The following PKD1L1 variants were observed in gnomAD, a reference collection of about 807,000 sequenced individuals.
PKD1L1 encodes polycystin-1-like protein 1.
Under a neutral mutation model 323.4 loss-of-function variants are expected in PKD1L1, and 236 were observed. The observed-to-expected ratio is 0.73, with a 90% confidence interval of 0.66 to 0.81. The LOEUF (loss-of-function observed/expected upper bound fraction) is 0.81, where lower values mean the gene tolerates loss of function less well. Among genes scored for constraint, PKD1L1 ranks in the 40% least tolerant of loss-of-function variants. The pLI is 0.00. For synonymous variants in PKD1L1, 1,344 were observed against 1,335.0 expected (o/e 1.01, Z -0.15); for missense variants, 3,320 against 3,508.0 (o/e 0.95, Z 1.35).
intron 40 of PKD1L1, 114 bp downstream of exon 40, chr7:47,834,225 C>A: frequency 9.3e-7 from 1 of 1,069,668 alleles, no homozygotes; most frequent in Non-Finnish European, 1.4e-6. Flanking sequence ...GTCCGTCTCA[C>A]CTTGAGCCTG....
At position 47,865,231 on chromosome 7, in the gene PKD1L1, C is replaced by G; in HGVS notation, c.4134G>C (p.Val1378=). 6.2e-7 allele frequency: 1 copy of G among 1,613,282 alleles called. No individual in the cohort carries two copies. The highest frequency in any genetic ancestry group is 1.1e-5 in the South Asian group (1 of 90,966). The change falls in exon 26 of 57, where the codon GTG becomes GTC. Residue 1378 remains valine, a synonymous_variant. Transcript: ENST00000289672. ...TTGCACTTACCTTATTAGAGAAGCT[C>G]ACGAGGTCCCTCAACATAAGAACAG... ...IGSVLMLRDL[V]SFSNKLGFMS...
intron 56 of PKD1L1, among the ~76,000 whole-genome samples, chr7:47,785,109 G>A (rs1786778434): frequency 6.6e-6 from 1 of 152,044 alleles, no homozygotes; most frequent in Admixed American, 6.5e-5. Context: ...GGAATATACT[G>A]GTCCTTAACA....
chr7:47,890,946 C>G (rs1786802884), intron 15 of PKD1L1, among the ~76,000 whole-genome samples, 183 bp from the exon 16 acceptor site: 1 of 152,116 alleles, frequency 6.6e-6, no homozygotes, highest in Non-Finnish European at 1.5e-5. Context: ...GCAGCAGCAC[C>G]ACCACCTGGG....
At chr7:47,920,602 G>A (rs532862067) in intron 7 of PKD1L1, among the ~76,000 whole-genome samples, 38 of 152,208 alleles carry the variant, frequency 2.5e-4, no homozygotes, top group African/African-American at 8.4e-4. Context: ...TAAGCAAAAA[G>A]AACAAATCTG....
chr7:47,886,079 A>C (rs1276680369), intron 17 of PKD1L1, 25 bp from the exon 18 acceptor site: 1 of 1,572,980 alleles, frequency 6.4e-7, no homozygotes, highest in Admixed American at 1.9e-5. Context: ...TGGCAGTGTT[A>C]GAATTTTGCA....
At chr7:47,905,032 T>C (rs998038983) in intron 11 of PKD1L1, 125 bp downstream of exon 11, 1 of 1,031,698 alleles carries the variant, frequency 9.7e-7, no homozygotes, top group Admixed American at 2.6e-5. Context: ...CAGAAGGACC[T>C]AGTGGCCCAT....
chr7:47,831,064 C>T (rs369898852), intron 42 of PKD1L1, among the ~76,000 whole-genome samples, 153 bp downstream of exon 42: 58 of 152,240 alleles, frequency 3.8e-4, no homozygotes, highest in African/African-American at 1.4e-3. Context: ...TTTATTTACC[C>T]CAGGAGATGG....
At position 47,809,580 on chromosome 7, in the gene PKD1L1, G is replaced by A; in HGVS notation, c.7582-3C>T. 1 of 1,571,804 alleles carries A rather than the reference G, an allele frequency of 6.4e-7. No individual in the cohort carries two copies. Among genetic ancestry groups the A allele is most frequent in the Non-Finnish European group, 8.6e-7 (1 of 1,159,162 alleles). ...AGGCTGAGTGCCAGGAAGACCAGCT[G>A]GTGGAGAGAATGTAAACAAACAAGA... On this transcript the variant is annotated splice_polypyrimidine_tract_variant and splice_region_variant and intron_variant, in intron 50 of 56. Transcript: ENST00000289672.
chr7:47,915,836 T>C (rs1002384524), intron 7 of PKD1L1, among the ~76,000 whole-genome samples: 46 of 151,926 alleles, frequency 3.0e-4, no homozygotes, highest in African/African-American at 1.0e-3. Context: ...TGCAAAAAAA[T>C]GTTAAAACCT....
intron 13 of PKD1L1, 54 bp downstream of exon 13, chr7:47,902,325 T>C: frequency 3.8e-6 from 6 of 1,599,484 alleles, no homozygotes; most frequent in Non-Finnish European, 5.1e-6. Flanking sequence ...TGGTCCCAAC[T>C]CAGAGGGAGG....
chr7:47,816,047 C>CG (rs1422843107), intron 46 of PKD1L1, among the ~76,000 whole-genome samples: 1 of 152,076 alleles, frequency 6.6e-6, no homozygotes, highest in African/African-American at 2.4e-5. Context: ...GGGAAGGTGT[C>CG]GGGGCCACAG....
rs753572403 is a variant in PKD1L1 at position 47,800,772 on chromosome 7, C to T, written c.8070G>A (p.Leu2690=). ...TTTGGCTTCTTCTGGGAAAATGAAA[C>T]AGCAGCCCGGGGAAGGCGTCTGTGA... ...GTFTDAFPGL[L]FHFPRRSQKD... is the part of the protein sequence containing the mutation. Residue 2690 remains leucine, a synonymous_variant, in exon 54 of 57, where the codon CTG becomes CTA. Transcript: ENST00000289672. 7 of 1,613,990 alleles carry T rather than the reference C, an allele frequency of 4.3e-6. No individual in the cohort carries two copies. The East Asian group carries it at 1.3e-4, about 31-fold the overall frequency.
intron 7 of PKD1L1, among the ~76,000 whole-genome samples, chr7:47,924,077 T>C (rs994234926): frequency 6.6e-5 from 10 of 152,208 alleles, no homozygotes; most frequent in African/African-American, 2.4e-4. Context: ...TCTTTCCCAC[T>C]GCCCTGAAAA....
rs1330084507 is a variant in PKD1L1 at position 47,873,985 on chromosome 7, A to G, written c.3810T>C (p.Asp1270=). 2 of 1,612,826 alleles carry G rather than the reference A, an allele frequency of 1.2e-6. No individual in the cohort carries two copies. The highest frequency in any genetic ancestry group is 2.7e-5 in the African/African-American group (2 of 74,916). ...YKVMVSTEIT[D]GKGSKVQPCT... is the part of the protein sequence containing the mutation. Reference sequence around the variant, plus strand: ...ACGGCTGGACCTTGGAGCCTTTGCCATCTGTGATTTCAGTGGAAACCATGA... The same window carrying G: ...ACGGCTGGACCTTGGAGCCTTTGCCGTCTGTGATTTCAGTGGAAACCATGA... The change falls in exon 24 of 57, where the codon GAT becomes GAC. Residue 1270 remains aspartate, a synonymous_variant. Transcript: ENST00000289672.
chr7:47,801,157 A>T (rs1294526478), intron 53 of PKD1L1, among the ~76,000 whole-genome samples: 1 of 151,030 alleles, frequency 6.6e-6, no homozygotes, highest in Non-Finnish European at 1.5e-5. Context: ...TCCTCTCCTC[A>T]GCTGCCTCCT....
At chr7:47,780,611 G>A (rs996870143) in intron 56 of PKD1L1, among the ~76,000 whole-genome samples, 1 of 149,386 alleles carries the variant, frequency 6.7e-6, no homozygotes, top group Non-Finnish European at 1.5e-5. Context: ...CAGTCTCGGC[G>A]ACAGAAGACT....
At chr7:47,827,208 TG>T (rs1785253930) in intron 45 of PKD1L1, 141 bp downstream of exon 45, 2 of 662,910 alleles carry the variant, frequency 3.0e-6, no homozygotes, top group African/African-American at 1.8e-5. Flanking sequence ...AGGATGGCTC[TG>T]GGGACAGCAA....
chr7:47,891,926 T>C (rs975744836), intron 15 of PKD1L1, among the ~76,000 whole-genome samples: 2 of 152,198 alleles, frequency 1.3e-5, no homozygotes, highest in African/African-American at 4.8e-5. Context: ...AAGCAGCCTT[T>C]TGCCTCCTCT....
At chr7:47,818,217 A>G (rs1480871701) in intron 46 of PKD1L1, 1 of 1,350,900 alleles carries the variant, frequency 7.4e-7, no homozygotes, top group Admixed American at 2.0e-5. Flanking sequence ...CATCTCTGCA[A>G]ATATTCACGC....
Sources: gnomAD v4.1 joint callset for allele counts (sites outside exome capture counted in the v4.1 genomes callset) on GRCh38, gnomAD v4.1.1 for gene constraint, MANE v1.5 for transcripts, NCBI Gene and HGNC (gene_info 2026-07-23, HGNC 2026-07-21) for gene names.